Variants in OR7A10 observed in about 807,000 individuals in gnomAD.
OR7A10 encodes the protein olfactory receptor 7A10.
For synonymous variants in OR7A10, 144 were observed against 144.5 expected, an observed-to-expected ratio of 1.00 and a Z score of 0.02; for missense variants, 358 against 370.1, an observed-to-expected ratio of 0.97 and a Z score of 0.27.
Position 14,841,379 on chromosome 19 carries a change from G to C in OR7A10, c.499C>G (p.Pro167Ala). 1 of 1,614,080 alleles carries C rather than the reference G, an allele frequency of 6.2e-7. No individual in the cohort carries two copies. The highest frequency in any genetic ancestry group is 8.5e-7 in the Non-Finnish European group (1 of 1,180,006). The change falls in exon 2 of 2, where the codon CCC becomes GCC. Residue 167 changes from proline (P) to alanine (A), a missense_variant. By Grantham distance (27) the Pro-to-Ala change is conservative. Coordinates refer to ENST00000641129, the MANE Select transcript of OR7A10 (RefSeq NM_001005190.2). Reference protein sequence around the residue: ...MLQSLMVLPLPFCTHMEIPHF... With the variant: ...MLQSLMVLPLAFCTHMEIPHF... ...GGGATTTCCATGTGTGTACAAAAGGGCAGTGGCAACACCATTAAGCTTTGT... is the reference window on the plus strand; with the variant it reads ...GGGATTTCCATGTGTGTACAAAAGGCCAGTGGCAACACCATTAAGCTTTGT...
At position 14,841,898 on chromosome 19, in the gene OR7A10, G is replaced by A; in HGVS notation, c.-12-9C>T. On this transcript the variant is annotated splice_polypyrimidine_tract_variant and intron_variant, in intron 1 of 1. Coordinates refer to ENST00000641129, the MANE Select transcript of OR7A10 (RefSeq NM_001005190.2). ...TTCATCTTGTGATGTGACTACCAGA[G>A]AGAGAGAGAGAGAGAGAGAGAGAGT... The A allele has an allele frequency of 2.0e-6, 2 of 1,016,878 alleles. No individual in the cohort carries two copies. The highest frequency in any genetic ancestry group is 2.7e-6 in the Non-Finnish European group (2 of 731,894). 63.0% of individuals were successfully genotyped at this position (1,016,878 alleles called of 1,614,324 possible).
intron 1 of OR7A10, among the ~76,000 whole-genome samples, chr19:14,843,780 A>C (rs555247532): frequency 1.3e-5 from 2 of 152,324 alleles, no homozygotes; most frequent in Non-Finnish European, 2.9e-5. Flanking sequence ...GCTATAAAAC[A>C]GAAGTCCTTG....
In OR7A10 at chr19:14,847,690, A is replaced by G. The variant is rs375506415; in HGVS notation, c.-13+810T>C. 3.5e-3 allele frequency among the ~76,000 whole-genome samples: 530 copies of G among 151,590 alleles called. 3 individuals carry two copies. The highest frequency in any genetic ancestry group is 6.5e-3 in the Non-Finnish European group (443 of 67,814). The stretch of plus-strand genomic sequence containing the variant: ...CACGCCAGGCTAATTTGTTTTTTGT[A>G]TTTTTAGTAGATATGGGGTTTCACT... On this transcript the variant is annotated intron_variant, in intron 1 of 1. Coordinates refer to ENST00000641129, the MANE Select transcript of OR7A10 (RefSeq NM_001005190.2).
chr19:14,841,921 A>T, intron 1 of OR7A10, 32 bp from the exon 2 acceptor site: 2 of 1,303,346 alleles, frequency 1.5e-6, no homozygotes, highest in South Asian at 1.4e-5. Context: ...AGAGAGAGAG[A>T]GTGAAAGAAC....
Position 14,840,793 on chromosome 19 carries a change from G to A in OR7A10, c.*155C>T, listed in dbSNP as rs3752192. On this transcript the variant is annotated 3_prime_UTR_variant, in exon 2 of 2. Transcript: ENST00000641129. ...TCTGACTCTAAGAAGAACAGTGTAA[G>A]CTCTATAAAGTAGTTGAGGAACAAA... The A allele has an allele frequency of 0.58, 339,535 of 581,712 alleles. 103,335 individuals carry two copies. The highest frequency in any genetic ancestry group is 0.95 in the East Asian group (34,055 of 35,718). The allele number at this position is 581,712 out of a possible 1,614,324, so 36.0% of individuals were successfully genotyped here.
At chr19:14,842,514 G>A (rs1382534657) in intron 1 of OR7A10, among the ~76,000 whole-genome samples, 1 of 152,202 alleles carries the variant, frequency 6.6e-6, no homozygotes, top group African/African-American at 2.4e-5. Context: ...GCCTCCCAAA[G>A]TGCTGGGATT....
Position 14,846,439 on chromosome 19 carries a change from G to T in OR7A10, c.-13+2061C>A, listed in dbSNP as rs138715534. On this transcript the variant is annotated intron_variant, in intron 1 of 1. Coordinates refer to ENST00000641129, the MANE Select transcript of OR7A10 (RefSeq NM_001005190.2). Reference sequence around the variant, plus strand: ...CTAAAGCAACATAGAATGAAAATCTGAAAAAATTTTAATATAATCACATAA... The same window carrying T: ...CTAAAGCAACATAGAATGAAAATCTTAAAAAATTTTAATATAATCACATAA... Among the ~76,000 whole-genome samples, 36 of 152,020 alleles carry T rather than the reference G, an allele frequency of 2.4e-4. No individual in the cohort carries two copies. In the East Asian group the frequency reaches 5.2e-3, roughly 22 times the overall value.
At chr19:14,847,885 G>A (rs2044950615) in intron 1 of OR7A10, among the ~76,000 whole-genome samples, 1 of 151,296 alleles carries the variant, frequency 6.6e-6, no homozygotes, top group Non-Finnish European at 1.5e-5. Context: ...AGCACTTTGG[G>A]AGGCCGAGGT....
chr19:14,841,922 G>GAGAC, intron 1 of OR7A10, 33 bp from the exon 2 acceptor site: 2 of 1,246,286 alleles, frequency 1.6e-6, no homozygotes, highest in African/African-American at 1.5e-5. Flanking sequence ...GAGAGAGAGA[G>GAGAC]TGAAAGAACA....
intron 1 of OR7A10, among the ~76,000 whole-genome samples, chr19:14,845,566 C>T (rs143645873): frequency 8.5e-5 from 13 of 152,144 alleles, no homozygotes; most frequent in Non-Finnish European, 1.6e-4. Flanking sequence ...CTCTGTCACA[C>T]GCATCAGCCT....
chr19:14,845,773 G>T (rs917570830), intron 1 of OR7A10, among the ~76,000 whole-genome samples: 1 of 152,172 alleles, frequency 6.6e-6, no homozygotes, highest in African/African-American at 2.4e-5. Flanking sequence ...ATTATTCATT[G>T]TGGTGGGGTC....
chr19:14,841,530 G>T lies in OR7A10; in HGVS notation c.348C>A (p.Thr116=). The T allele has an allele frequency of 5.0e-6, 8 of 1,614,164 alleles. No homozygotes were observed. The highest frequency in any genetic ancestry group is 2.2e-5 in the East Asian group (1 of 44,882). Residue 116 remains threonine (T), a synonymous_variant, in exon 2 of 2, where the codon ACC becomes ACA. Transcript: ENST00000641129. ...LFVGLDNFLL[T]VMAYDRFVAI... ...CCACAAACCGGTCATAGGCCATCAC[G>T]GTCAGAAGGAAGTTATCCAATCCTA...
rs762437101 is a variant in OR7A10, at chr19:14,841,592, C to G, written c.286G>C (p.Gly96Arg). ...AAAAAGCACATCTGGGTGATGCAGC[C>G]TGCATAGGTGATGACTTTGTTGTGT... The part of the protein sequence containing the change: ...QTHNKVITYA[G>R]CITQMCFFLL... Residue 96 changes from glycine (G) to arginine (R), a missense_variant, in exon 2 of 2, where the codon GGC becomes CGC. Physicochemically the swap from Gly to Arg is moderately radical, Grantham distance 125 (BLOSUM62 -2). Transcript: ENST00000641129. 3.1e-6 allele frequency: 5 copies of G among 1,614,142 alleles called. No homozygotes were observed. The highest frequency in any genetic ancestry group is 4.2e-6 in the Non-Finnish European group (5 of 1,180,036).
At chr19:14,843,925 A>G (rs1305006072) in intron 1 of OR7A10, among the ~76,000 whole-genome samples, 3 of 152,152 alleles carry the variant, frequency 2.0e-5, no homozygotes, top group Non-Finnish European at 2.9e-5. Context: ...GTACGGGATA[A>G]GGGGAGGGAG....
Position 14,841,625 on chromosome 19 carries a change from T to A in OR7A10, c.253A>T (p.Ile85Phe). The change falls in exon 2 of 2, where the codon ATC becomes TTC. Residue 85 changes from isoleucine (I) to phenylalanine (F), a missense_variant. Coordinates refer to ENST00000641129, the MANE Select transcript of OR7A10 (RefSeq NM_001005190.2). ...GTGATGACTTTGTTGTGTGTCTGGATGTTCACCAGCATCTTCGGGACAGTG... is the reference window on the plus strand; with the variant it reads ...GTGATGACTTTGTTGTGTGTCTGGAAGTTCACCAGCATCTTCGGGACAGTG... Reference protein sequence around the residue: ...STTVPKMLVNIQTHNKVITYA... With the variant: ...STTVPKMLVNFQTHNKVITYA... The A allele has an allele frequency of 1.2e-6, 2 of 1,614,176 alleles. No individual in the cohort carries two copies. Among genetic ancestry groups the A allele is most frequent in the Non-Finnish European group, 1.7e-6 (2 of 1,180,034 alleles).
intron 1 of OR7A10, among the ~76,000 whole-genome samples, chr19:14,847,169 G>T (rs553467157): frequency 6.6e-6 from 1 of 152,270 alleles, no homozygotes; most frequent in East Asian, 1.9e-4. Flanking sequence ...AAGCTTATAT[G>T]TTAAAGAATG....
chr19:14,840,817 A>G lies in OR7A10; in HGVS notation c.*131T>C. On this transcript the variant is annotated 3_prime_UTR_variant, in exon 2 of 2. Transcript: ENST00000641129. ...AGCTCTATAAAGTAGTTGAGGAACAAAGAAGTTTAAACTCCAGGAAATAAA... is the reference window on the plus strand; with the variant it reads ...AGCTCTATAAAGTAGTTGAGGAACAGAGAAGTTTAAACTCCAGGAAATAAA... 1 of 643,316 alleles carries G rather than the reference A, an allele frequency of 1.6e-6. No homozygotes were observed. The highest frequency in any genetic ancestry group is 2.7e-6 in the Non-Finnish European group (1 of 372,694). The allele number at this position is 643,316 out of a possible 1,614,324, so 39.9% of individuals were successfully genotyped here.
chr19:14,842,065 C>T (rs943667739), intron 1 of OR7A10, among the ~76,000 whole-genome samples, 176 bp from the exon 2 acceptor site: 5 of 152,084 alleles, frequency 3.3e-5, no homozygotes, highest in South Asian at 2.1e-4. Context: ...TCACATATAA[C>T]ATGATGTGTT....
Position 14,840,732 on chromosome 19 carries a change from G to C in OR7A10, c.*216C>G. 2.3e-6 allele frequency: 1 copy of C among 439,776 alleles called. No individual in the cohort carries two copies. Among genetic ancestry groups the C allele is most frequent in the Non-Finnish European group, 4.0e-6 (1 of 248,832 alleles). The allele number at this position is 439,776 out of a possible 1,614,324, so 27.2% of individuals were successfully genotyped here. ...AATATTCCATAGTTATTTCATGTAT[G>C]ATTGAAAATTATATTCCGTCATATT... On this transcript the variant is annotated 3_prime_UTR_variant, in exon 2 of 2. Transcript: ENST00000641129.
Sources: allele counts gnomAD v4.1 joint callset (sites outside exome capture counted in the v4.1 genomes callset), GRCh38; gene constraint gnomAD v4.1.1; transcripts MANE v1.5; gene names NCBI Gene and HGNC (gene_info 2026-07-23, HGNC 2026-07-21).